The following PRKG1 variants were observed in gnomAD, a reference collection of about 807,000 sequenced individuals.
PRKG1 encodes cGMP-dependent protein kinase 1.
A neutral mutation model predicts 88.1 loss-of-function variants in PRKG1; 35 were observed. The observed-to-expected ratio is 0.40, with a 90% CI of 0.30 to 0.53. The LOEUF is 0.53. Ranked by LOEUF, PRKG1 falls within the 20% of genes least tolerant of loss-of-function variation. PRKG1 has a pLI of 0.59. For missense variants in PRKG1, 540 were observed against 839.8 expected (o/e 0.64, Z 4.41); for synonymous variants, 303 against 292.5 (o/e 1.04, Z -0.37).
chr10:52,032,090 T>C, intron 5 of PRKG1, among the ~76,000 whole-genome samples: 1 of 152,188 alleles, frequency 6.6e-6, no homozygotes, highest in East Asian at 1.9e-4. Context: ...GCATGAGTTG[T>C]AGGATTGCAG....
intron 2 of PRKG1, among the ~76,000 whole-genome samples, chr10:51,183,393 C>A (rs1247073826): frequency 1.3e-5 from 2 of 152,192 alleles, no homozygotes; most frequent in African/African-American, 4.8e-5. Context: ...TACCCTGGAT[C>A]TCATGCATTA....
chr10:51,334,829 G>A (rs1190811052), intron 2 of PRKG1, among the ~76,000 whole-genome samples: 1 of 152,096 alleles, frequency 6.6e-6, no homozygotes, highest in Non-Finnish European at 1.5e-5. Context: ...AATTAGAGGA[G>A]AGCAGAGGCA....
chr10:51,657,943 G>A (rs759363388), intron 3 of PRKG1, among the ~76,000 whole-genome samples: 3 of 152,094 alleles, frequency 2.0e-5, no homozygotes, highest in African/African-American at 2.4e-5. Flanking sequence ...GAAATGGAAC[G>A]TGTCCTAAAC....
rs572631689 is a variant in PRKG1, at chr10:52,171,629, T to C, written c.1076+9666T>C. Among the ~76,000 whole-genome samples, 4 of 152,186 alleles carry C rather than the reference T, an allele frequency of 2.6e-5. No homozygotes were observed. The East Asian group carries it at 7.7e-4, about 29-fold the overall frequency. ...TGGTTTCTAAGGCCACCAATGCTGA[T>C]AGATTAATACTTCAGCAGGATTTGT... On this transcript the variant is annotated intron_variant, in intron 9 of 17. Transcript: ENST00000373980.
chr10:51,398,690 C>T (rs886218937), intron 2 of PRKG1, among the ~76,000 whole-genome samples: 3 of 152,124 alleles, frequency 2.0e-5, no homozygotes, highest in Admixed American at 6.6e-5. Context: ...TGGGTATCCA[C>T]GAAGGTGTTT....
intron 7 of PRKG1, among the ~76,000 whole-genome samples, chr10:52,089,804 C>CTTTTTTTTT (rs397846439): frequency 7.1e-4 from 48 of 67,728 alleles, no homozygotes; most frequent in South Asian, 1.3e-3. Context: ...TTCTTTCCTT[C>CTTTTTTTTT]TTTTTTTTTT....
intron 2 of PRKG1, among the ~76,000 whole-genome samples, chr10:51,395,838 G>T (rs1837562170): frequency 6.6e-6 from 1 of 152,136 alleles, no homozygotes; most frequent in Admixed American, 6.5e-5. Context: ...TGAATCTAAA[G>T]CTAGATGACC....
At chr10:51,170,700 T>C (rs930966567) in intron 2 of PRKG1, among the ~76,000 whole-genome samples, 3 of 139,522 alleles carry the variant, frequency 2.2e-5, no homozygotes, top group Admixed American at 8.1e-5. Context: ...AGGATTATGA[T>C]TGGCATGTTC....
rs10824303 is a variant in PRKG1, at chr10:52,253,023, G to T, written c.1173+1357G>T. Among the ~76,000 whole-genome samples, 4 of 151,782 alleles carry T rather than the reference G, an allele frequency of 2.6e-5. No individual in the cohort carries two copies. The South Asian group carries it at 8.3e-4, about 32-fold the overall frequency. On this transcript the variant is annotated intron_variant, in intron 10 of 17. Transcript: ENST00000373980. ...TGAACTGCTTTGATTTGGAGGTGTT[G>T]GGACATACAGGCAGGAAAGAGGACA...
chr10:52,168,555 G>A (rs961672602), intron 9 of PRKG1, among the ~76,000 whole-genome samples: 16 of 152,166 alleles, frequency 1.1e-4, no homozygotes, highest in Non-Finnish European at 2.4e-4. Flanking sequence ...AGACTTCCAA[G>A]CTGGCAAATG....
At chr10:51,275,809 TG>T (rs914245679) in intron 2 of PRKG1, among the ~76,000 whole-genome samples, 1 of 152,052 alleles carries the variant, frequency 6.6e-6, no homozygotes, top group African/African-American at 2.4e-5. Context: ...TTGGGTTGAC[TG>T]GGATATATCA....
chr10:51,750,389 A>G (rs1182090918), intron 3 of PRKG1, among the ~76,000 whole-genome samples: 1 of 152,170 alleles, frequency 6.6e-6, no homozygotes, highest in African/African-American at 2.4e-5. Flanking sequence ...ATGAACATAG[A>G]CTGAATATGT....
At chr10:51,784,668 C>G (rs756072680) in intron 3 of PRKG1, among the ~76,000 whole-genome samples, 5 of 152,020 alleles carry the variant, frequency 3.3e-5, no homozygotes, top group South Asian at 4.2e-4. Context: ...GATAAGCTAC[C>G]CTTAGTCTAC....
intron 3 of PRKG1, among the ~76,000 whole-genome samples, chr10:51,797,465 T>C (rs1839044508): frequency 6.8e-6 from 1 of 146,134 alleles, no homozygotes; most frequent in Admixed American, 6.9e-5. Context: ...ATTTATAATA[T>C]ACAGATTATA....
intron 3 of PRKG1, among the ~76,000 whole-genome samples, chr10:51,611,651 A>ATT (rs763522591): frequency 9.0e-4 from 116 of 129,134 alleles, no homozygotes; most frequent in Middle Eastern, 4.0e-3. Flanking sequence ...CCATTTGTCT[A>ATT]TTTTTTTTTT....
At chr10:52,225,773 C>T (rs1239624451) in intron 9 of PRKG1, among the ~76,000 whole-genome samples, 5 of 152,048 alleles carry the variant, frequency 3.3e-5, no homozygotes, top group East Asian at 3.9e-4. Context: ...TTTTTGTTTG[C>T]TTTCTTGAAG....
chr10:51,154,112 C>G (rs1160033427), intron 2 of PRKG1, among the ~76,000 whole-genome samples: 3 of 151,862 alleles, frequency 2.0e-5, no homozygotes, highest in Non-Finnish European at 4.4e-5. Flanking sequence ...AATGTTTTAT[C>G]CAAAACATTT....
chr10:51,543,291 G>A (rs1396873137), intron 3 of PRKG1, among the ~76,000 whole-genome samples: 3 of 152,090 alleles, frequency 2.0e-5, no homozygotes, highest in Non-Finnish European at 4.4e-5. Flanking sequence ...GGACTGATGA[G>A]GTAAATTCAA....
At chr10:52,011,471 G>A (rs952806573) in intron 5 of PRKG1, among the ~76,000 whole-genome samples, 5 of 151,806 alleles carry the variant, frequency 3.3e-5, no homozygotes, top group East Asian at 1.9e-4. Flanking sequence ...TCTCCCCTCC[G>A]CCTCCTTTTT....
Sources: allele counts gnomAD v4.1 joint callset (sites outside exome capture counted in the v4.1 genomes callset), GRCh38; gene constraint gnomAD v4.1.1; transcripts MANE v1.5; gene names NCBI Gene and HGNC (gene_info 2026-07-23, HGNC 2026-07-21).